Variants in A1CF observed in about 807,000 individuals in gnomAD.
A1CF encodes APOBEC-1 stimulating protein.
In A1CF, 48 loss-of-function variants were observed where a neutral mutation model predicts 68.9. The ratio of observed to expected loss-of-function variants is 0.70; its 90% CI spans 0.55 to 0.89. The LOEUF is 0.89. Ranked by LOEUF, A1CF falls within the 40% of genes least tolerant of loss-of-function variation. The pLI, the probability that A1CF is intolerant of heterozygous loss-of-function variation, is 0.00. For synonymous variants in A1CF, 272 were observed against 260.4 expected, an observed-to-expected ratio of 1.04 and a Z score of -0.43; for missense variants, 653 against 718.9, an observed-to-expected ratio of 0.91 and a Z score of 1.05.
intron 3 of A1CF, among the ~76,000 whole-genome samples, chr10:50,856,307 C>T (rs12250710): frequency 0.011 from 1,683 of 152,154 alleles, 40 homozygotes; most frequent in African/African-American, 0.037. Context: ...TAATTTTCCA[C>T]ACTCTGTAGC....
chr10:50,854,710 A>G (rs1168666166), intron 3 of A1CF, among the ~76,000 whole-genome samples: 1 of 151,898 alleles, frequency 6.6e-6, no homozygotes, highest in African/African-American at 2.4e-5. Context: ...TATACTCTAT[A>G]ATCCCGAGAC....
Position 50,816,220 on chromosome 10 carries a change from A to G in A1CF, c.927T>C (p.Tyr309=). 6.2e-7 allele frequency: 1 copy of G among 1,613,790 alleles called. No individual in the cohort carries two copies. Among genetic ancestry groups the G allele is most frequent in the South Asian group, 1.1e-5 (1 of 91,076 alleles). ...TLAKPVDKDS[Y]VRYTRGTGGR... is the part of the protein sequence containing the mutation. ...CACCTGTGCCTCGGGTATACCTAAC[A>G]TAACTGTCCTTGTCCACTGGTTTTG... The change falls in exon 9 of 13, where the codon TAT becomes TAC. Residue 309 remains tyrosine, a synonymous_variant. Coordinates refer to ENST00000373997, the MANE Select transcript of A1CF (RefSeq NM_014576.4).
chr10:50,814,673 A>G (rs1464468589), intron 9 of A1CF, among the ~76,000 whole-genome samples: 1 of 152,184 alleles, frequency 6.6e-6, no homozygotes, highest in Non-Finnish European at 1.5e-5. Context: ...TTGATTTTAT[A>G]TTGGTGGCAT....
Position 50,800,999 on chromosome 10 carries a change from C to T in A1CF, c.*5730G>A, listed in dbSNP as rs183404703. 1.3e-5 allele frequency: 2 copies of T among 152,310 alleles called. No individual in the cohort carries two copies. The highest frequency in any genetic ancestry group is 1.9e-4 in the East Asian group (1 of 5,188). 9.4% of individuals were successfully genotyped at this position (152,310 alleles called of 1,614,324 possible). A position where few individuals can be genotyped will look rare whatever the true frequency, so the allele number is the denominator to read the frequency against. ...AGGAAGAAAGAAACCAATAAATGCT[C>T]TAATACCCTACTAGTGCCCTGTGGA... On this transcript the variant is annotated 3_prime_UTR_variant, in exon 13 of 13. Coordinates refer to ENST00000373997, the MANE Select transcript of A1CF (RefSeq NM_014576.4).
chr10:50,833,818 A>G (rs1423582030), intron 6 of A1CF, among the ~76,000 whole-genome samples: 2 of 152,148 alleles, frequency 1.3e-5, no homozygotes, highest in African/African-American at 4.8e-5. Flanking sequence ...ACTGTGCCTC[A>G]TCTTGTTAGT....
In A1CF at chr10:50,844,032, G is replaced by A; in HGVS notation, c.190C>T (p.Pro64Ser). 6.2e-7 allele frequency: 1 copy of A among 1,613,896 alleles called. No homozygotes were observed. The highest frequency in any genetic ancestry group is 8.5e-7 in the Non-Finnish European group (1 of 1,179,874). The change falls in exon 4 of 13, where the codon CCC becomes TCC. Residue 64 changes from proline to serine, a missense_variant. Physicochemically the swap from Pro to Ser is moderately conservative, Grantham distance 74. Transcript: ENST00000373997. ...AGCTCATCCTCAAAAAGGTCTCGGG[G>A]AAGTTTTCCAATAAAAATTTCACAG... Reference protein sequence around the residue: ...RGCEIFIGKLPRDLFEDELIP... With the variant: ...RGCEIFIGKLSRDLFEDELIP...
intron 8 of A1CF, among the ~76,000 whole-genome samples, chr10:50,817,748 G>A (rs949419579): frequency 3.3e-5 from 5 of 152,054 alleles, no homozygotes; most frequent in African/African-American, 9.7e-5. Flanking sequence ...GATTCTTTGC[G>A]GCAAATTCAG....
chr10:50,870,047 A>G (rs758679313), intron 1 of A1CF, among the ~76,000 whole-genome samples: 5 of 151,896 alleles, frequency 3.3e-5, no homozygotes, highest in Non-Finnish European at 4.4e-5. Context: ...TAGATTTAAC[A>G]TATTTTGAGG....
chr10:50,806,817 A>G lies in A1CF; in HGVS notation c.1673T>C (p.Leu558Pro), dbSNP rs1397505640. 1.9e-6 allele frequency: 3 copies of G among 1,613,496 alleles called. No homozygotes were observed. The highest frequency in any genetic ancestry group is 2.5e-6 in the Non-Finnish European group (3 of 1,179,730). Residue 558 changes from leucine to proline, a missense_variant, in exon 13 of 13, where the codon CTT becomes CCT. Transcript: ENST00000373997. ...TGTATATGCTGCTAAGTCTTGTCCA[A>G]GGGTTACCGCTTGCTTGAGCTGGGC... ...SAAQLKQAVT[L>P]GQDLAAYTTY...
At chr10:50,812,790 A>G (rs1308895175) in intron 10 of A1CF, among the ~76,000 whole-genome samples, 1 of 152,170 alleles carries the variant, frequency 6.6e-6, no homozygotes, top group Non-Finnish European at 1.5e-5. Context: ...CATCTCCAGC[A>G]CCTAGCGCAC....
In A1CF at chr10:50,803,540, G is replaced by T. The variant is rs1837698423; in HGVS notation, c.*3189C>A. On this transcript the variant is annotated 3_prime_UTR_variant, in exon 13 of 13. Coordinates refer to ENST00000373997, the MANE Select transcript of A1CF (RefSeq NM_014576.4). ...TCATCTAGGAGAATTATATTTTGTT[G>T]CAGTTGAAGGTGCTGTTCTAGATAT... The T allele has an allele frequency of 6.6e-6, 1 of 152,158 alleles. No individual in the cohort carries two copies. The allele number at this position is 152,158 out of a possible 1,614,324, so 9.4% of individuals were successfully genotyped here. A position where few individuals can be genotyped will look rare whatever the true frequency, so the allele number is the denominator to read the frequency against.
chr10:50,873,198 C>T (rs1006203683), intron 1 of A1CF, among the ~76,000 whole-genome samples: 1 of 152,036 alleles, frequency 6.6e-6, no homozygotes, highest in Non-Finnish European at 1.5e-5. Flanking sequence ...TCCAGTGATT[C>T]ACTCACCTTG....
intron 3 of A1CF, among the ~76,000 whole-genome samples, chr10:50,846,252 G>A (rs1839996742): frequency 6.6e-6 from 1 of 152,170 alleles, no homozygotes; most frequent in Non-Finnish European, 1.5e-5. Context: ...TGAATTATAA[G>A]TGTATTCTGT....
In A1CF at chr10:50,811,063, A is replaced by T. The variant is rs943441067; in HGVS notation, c.1437T>A (p.Ala479=). The T allele has an allele frequency of 6.2e-7, 1 of 1,613,410 alleles. No individual in the cohort carries two copies. ...QLFLYKITIP[A]LASQNPAIHP... ...ACATTGCAGGATTCTGGCTGGCTAG[A>T]GCAGGAATAGTTATTTTGTACAAGA... The change falls in exon 11 of 13, where the codon GCT becomes GCA. Residue 479 remains alanine (A), a synonymous_variant. Coordinates refer to ENST00000373997, the MANE Select transcript of A1CF (RefSeq NM_014576.4).
chr10:50,828,147 G>A lies in A1CF; in HGVS notation c.753C>T (p.Phe251=). ...STSEEMIEKE[F]NNIKPGAVER... is the part of the protein sequence containing the mutation. ...ATGTCCTACCTGGTTTGATATTGTT[G>A]AATTCCTTTTCAATCATCTCTTCAG... Residue 251 remains phenylalanine, a synonymous_variant, in exon 7 of 13, where the codon TTC becomes TTT. Coordinates refer to ENST00000373997, the MANE Select transcript of A1CF (RefSeq NM_014576.4). 6.3e-7 allele frequency: 1 copy of A among 1,587,698 alleles called. No homozygotes were observed. The highest frequency in any genetic ancestry group is 8.6e-7 in the Non-Finnish European group (1 of 1,162,654).
intron 3 of A1CF, among the ~76,000 whole-genome samples, chr10:50,851,987 G>T (rs1326889677): frequency 1.3e-5 from 2 of 152,184 alleles, no homozygotes; most frequent in African/African-American, 4.8e-5. Context: ...TGAAGATGAA[G>T]AGTCACTTAA....
At chr10:50,833,842 A>G (rs997462455) in intron 6 of A1CF, among the ~76,000 whole-genome samples, 6 of 152,156 alleles carry the variant, frequency 3.9e-5, no homozygotes, top group Admixed American at 1.3e-4. Context: ...CTGATGAGTT[A>G]GTTGCTGACT....
rs185485452 is a variant in A1CF at position 50,834,087 on chromosome 10, C to T, written c.604+1987G>A. ...GGACCTGGCTAGCTAGTCTGCTTGA[C>T]TTAGAAAAAGGAGTTCCTTCGGTGG... On this transcript the variant is annotated intron_variant, in intron 6 of 12. Transcript: ENST00000373997. Among the ~76,000 whole-genome samples the T allele has an allele frequency of 9.7e-4, 147 of 152,252 alleles. 1 individual carries two copies. Among genetic ancestry groups the T allele is most frequent in the South Asian group, 5.2e-3 (25 of 4,818 alleles).
intron 5 of A1CF, among the ~76,000 whole-genome samples, chr10:50,839,676 G>A (rs1839681068): frequency 6.6e-6 from 1 of 152,188 alleles, no homozygotes; most frequent in Non-Finnish European, 1.5e-5. Context: ...CTAGAATCCA[G>A]CCTTGGAATT....
Sources: allele counts gnomAD v4.1 joint callset (sites outside exome capture counted in the v4.1 genomes callset), GRCh38; gene constraint gnomAD v4.1.1; transcripts MANE v1.5; gene names NCBI Gene and HGNC (gene_info 2026-07-23, HGNC 2026-07-21).